Variants in HECW1 observed in about 807,000 individuals in gnomAD.
HECW1 encodes HECT, C2 and WW domain containing E3 ubiquitin protein ligase 1, also known as E3 ubiquitin-protein ligase HECW1.
A neutral mutation model predicts 182.3 loss-of-function variants in HECW1; 61 were observed. That is an observed-to-expected ratio of 0.33 (90% confidence interval 0.27 to 0.41). The LOEUF is 0.41. Ranked by LOEUF, HECW1 falls within the 10% of genes least tolerant of loss-of-function variation. The pLI is 1.00. For synonymous variants in HECW1, 859 were observed against 832.6 expected (o/e 1.03, Z -0.55); for missense variants, 1,739 against 2,108.9 (o/e 0.82, Z 3.44).
At chr7:43,273,633 A>G (rs1020512444) in intron 3 of HECW1, among the ~76,000 whole-genome samples, 1 of 152,224 alleles carries the variant, frequency 6.6e-6, no homozygotes, top group Non-Finnish European at 1.5e-5. Context: ...AAATATGGAT[A>G]AATAAGTTAG....
chr7:43,535,871 A>G (rs1167376145), intron 24 of HECW1, among the ~76,000 whole-genome samples: 1 of 152,192 alleles, frequency 6.6e-6, no homozygotes, highest in Non-Finnish European at 1.5e-5. Flanking sequence ...ATTTTACTTT[A>G]CACTAAAAAA....
chr7:43,505,060 C>G (rs770824150), intron 21 of HECW1, among the ~76,000 whole-genome samples: 1 of 152,162 alleles, frequency 6.6e-6, no homozygotes, highest in Non-Finnish European at 1.5e-5. Context: ...TCATCTACTT[C>G]CCTGGCCATT....
intron 2 of HECW1, among the ~76,000 whole-genome samples, chr7:43,218,493 G>A (rs1454002629): frequency 6.6e-6 from 1 of 152,230 alleles, no homozygotes; most frequent in Non-Finnish European, 1.5e-5. Flanking sequence ...GTGGAGAAGG[G>A]AAGGAAGCAA....
At chr7:43,392,539 C>A (rs1264576619) in intron 6 of HECW1, among the ~76,000 whole-genome samples, 2 of 152,090 alleles carry the variant, frequency 1.3e-5, no homozygotes, top group African/African-American at 4.8e-5. Flanking sequence ...ACAATTTAAC[C>A]CAAAATTTTG....
At chr7:43,233,265 A>G (rs1798036868) in intron 2 of HECW1, among the ~76,000 whole-genome samples, 1 of 152,220 alleles carries the variant, frequency 6.6e-6, no homozygotes, top group African/African-American at 2.4e-5. Flanking sequence ...TCCATATCCT[A>G]TCACCAACTA....
chr7:43,396,301 T>C (rs2075228952), intron 6 of HECW1, among the ~76,000 whole-genome samples: 1 of 152,222 alleles, frequency 6.6e-6, no homozygotes, highest in Admixed American at 6.5e-5. Context: ...AATTGATTAA[T>C]TAAGAGAGAC....
chr7:43,127,213 ACTC>A (rs1786344323), intron 2 of HECW1, among the ~76,000 whole-genome samples: 2 of 152,138 alleles, frequency 1.3e-5, no homozygotes, highest in African/African-American at 4.8e-5. Flanking sequence ...ACTCCAATGA[ACTC>A]CTGAATGATA....
chr7:43,180,283 C>T (rs563284310), intron 2 of HECW1, among the ~76,000 whole-genome samples: 1 of 110,874 alleles, frequency 9.0e-6, no homozygotes, highest in African/African-American at 3.9e-5. Flanking sequence ...CTCTAGCTCC[C>T]ACTCCTTTTA....
intron 2 of HECW1, among the ~76,000 whole-genome samples, chr7:43,161,247 G>T (rs1790494699): frequency 6.6e-6 from 1 of 152,018 alleles, no homozygotes. Flanking sequence ...AGATTGCTTT[G>T]GGTTTTTTTT....
intron 17 of HECW1, among the ~76,000 whole-genome samples, chr7:43,480,998 T>A (rs2078413352): frequency 6.6e-6 from 1 of 152,206 alleles, no homozygotes; most frequent in Non-Finnish European, 1.5e-5. Context: ...ATAAAATGAA[T>A]GTTTTTTCAT....
At chr7:43,500,649 G>T in intron 19 of HECW1, 50 bp from the exon 20 acceptor site, 1 of 1,312,842 alleles carries the variant, frequency 7.6e-7, no homozygotes, top group Non-Finnish European at 1.1e-6. Context: ...ATGTATTTCT[G>T]AGTTTATGTG....
At position 43,261,869 on chromosome 7, in the gene HECW1, A is replaced by AT. The variant is rs199955461; in HGVS notation, c.27+17945dup. 3.5e-3 allele frequency among the ~76,000 whole-genome samples: 525 copies of AT among 151,310 alleles called. 3 individuals carry two copies. The highest frequency in any genetic ancestry group is 0.012 in the African/African-American group (482 of 41,162). On this transcript the variant is annotated intron_variant, in intron 3 of 29. Transcript: ENST00000395891. The stretch of plus-strand genomic sequence containing the variant: ...TTTTGTTTTTTATTTTTTATTTTTT[A>AT]TTTTTTTTAATTTTTCAGTGTTACT...
At chr7:43,197,955 G>A (rs1359407619) in intron 2 of HECW1, among the ~76,000 whole-genome samples, 1 of 151,880 alleles carries the variant, frequency 6.6e-6, no homozygotes, top group Non-Finnish European at 1.5e-5. Context: ...CGTTCAGTCT[G>A]AGCAATGACA....
At chr7:43,137,071 T>C (rs988983711) in intron 2 of HECW1, among the ~76,000 whole-genome samples, 3 of 152,220 alleles carry the variant, frequency 2.0e-5, no homozygotes, top group African/African-American at 7.2e-5. Flanking sequence ...GAGACACAGA[T>C]GTATCACCCA....
intron 8 of HECW1, among the ~76,000 whole-genome samples, chr7:43,423,899 G>C (rs1350999290): frequency 2.6e-5 from 4 of 152,226 alleles, no homozygotes; most frequent in African/African-American, 7.2e-5. Context: ...GGTGGGGCTA[G>C]AGTCTGAGGA....
At chr7:43,284,021 G>T (rs976598804) in intron 3 of HECW1, among the ~76,000 whole-genome samples, 2 of 152,108 alleles carry the variant, frequency 1.3e-5, no homozygotes, top group South Asian at 4.2e-4. Context: ...AGAGATGTGG[G>T]GATTGAGTCA....
chr7:43,166,370 C>T (rs1791109967), intron 2 of HECW1, among the ~76,000 whole-genome samples: 1 of 152,144 alleles, frequency 6.6e-6, no homozygotes, highest in Non-Finnish European at 1.5e-5. Flanking sequence ...TAGGCATGAG[C>T]CACTGTGCCT....
chr7:43,127,832 A>G (rs2330742), intron 2 of HECW1, among the ~76,000 whole-genome samples: 42,531 of 152,066 alleles, frequency 0.28, 6,143 homozygotes, highest in Admixed American at 0.34. Flanking sequence ...ATTGTCCAGA[A>G]GATCCAGGTA....
chr7:43,310,099 T>A (rs936316769), intron 3 of HECW1, among the ~76,000 whole-genome samples: 7 of 152,206 alleles, frequency 4.6e-5, no homozygotes, highest in African/African-American at 1.4e-4. Flanking sequence ...TTATTTTGAA[T>A]CTCTGTAATA....
Sources: gnomAD v4.1 joint callset for allele counts (sites outside exome capture counted in the v4.1 genomes callset) on GRCh38, gnomAD v4.1.1 for gene constraint, MANE v1.5 for transcripts, NCBI Gene and HGNC (gene_info 2026-07-23, HGNC 2026-07-21) for gene names.